Variants in KLHL12 observed in about 807,000 individuals in gnomAD.
KLHL12 encodes kelch-like protein 12.
Under a neutral mutation model 60.8 loss-of-function variants are expected in KLHL12, and 17 were observed. That is an observed-to-expected ratio of 0.28 (90% CI 0.19 to 0.42). The LOEUF (loss-of-function observed/expected upper bound fraction) is 0.42, where lower values mean the gene tolerates loss of function less well. KLHL12 is among the 10% of genes least tolerant of loss of function. The pLI, the probability that KLHL12 is intolerant of heterozygous loss-of-function variation, is 1.00. For synonymous variants in KLHL12, 220 were observed against 250.9 expected, an observed-to-expected ratio of 0.88 and a Z score of 1.16; for missense variants, 468 against 722.3, an observed-to-expected ratio of 0.65 and a Z score of 4.04.
chr1:202,926,182 G>A (rs1304069067), intron 1 of KLHL12, among the ~76,000 whole-genome samples: 1 of 151,474 alleles, frequency 6.6e-6, no homozygotes, highest in Non-Finnish European at 1.5e-5. Context: ...GCAAGTTATC[G>A]ATGGACTTAC....
At chr1:202,928,470 G>GT (rs1394113017), upstream of KLHL12, 1 of 1,295,682 alleles carries the variant, frequency 7.7e-7, no homozygotes, top group East Asian at 5.6e-5. Context: ...ATTGCAGCAA[G>GT]TATGTTTTAC....
At chr1:202,906,383 A>G (rs1660189874) in intron 6 of KLHL12, among the ~76,000 whole-genome samples, 1 of 143,920 alleles carries the variant, frequency 6.9e-6, no homozygotes, top group African/African-American at 2.6e-5. Flanking sequence ...TGAACCCAGG[A>G]GACAGAGGTT....
intron 6 of KLHL12, among the ~76,000 whole-genome samples, chr1:202,903,013 T>C (rs372203321): frequency 2.0e-5 from 3 of 148,916 alleles, no homozygotes; most frequent in East Asian, 4.0e-4. Flanking sequence ...ACAAATGAAA[T>C]AGATCACCAT....
chr1:202,897,637 G>C (rs1283914941), intron 6 of KLHL12, among the ~76,000 whole-genome samples: 1 of 152,086 alleles, frequency 6.6e-6, no homozygotes, highest in Non-Finnish European at 1.5e-5. Context: ...ACTCAAATTG[G>C]GAGGTTTTTT....
chr1:202,919,991 T>C, intron 2 of KLHL12, 83 bp from the exon 3 acceptor site: 3 of 1,199,102 alleles, frequency 2.5e-6, no homozygotes, highest in East Asian at 4.9e-5. Flanking sequence ...AGCTTAGAGA[T>C]GTTAATAATA....
Position 202,925,140 on chromosome 1 carries a change from T to C in KLHL12, c.23A>G (p.Lys8Arg). 5.0e-6 allele frequency: 8 copies of C among 1,614,048 alleles called. No homozygotes were observed. Among genetic ancestry groups the C allele is most frequent in the Non-Finnish European group, 5.9e-6 (7 of 1,179,914 alleles). Residue 8 changes from lysine (K) to arginine (R), a missense_variant, in exon 2 of 12, where the codon AAA (lysine) becomes AGA (arginine). Around this residue, in one of 4 missense-constraint regions of KLHL12, gnomAD observed 61 missense variants for 59.9 expected, o/e 1.02. Transcript: ENST00000367261. MGGIMAP[K>R]DIMTNTHAKS... The stretch of plus-strand genomic sequence containing the variant: ...AGCATGAGTATTTGTCATTATGTCT[T>C]TGGGGGCCATAATGCCTCCCATAAA...
At chr1:202,896,587 TTATAC>T (rs1659841808) in intron 7 of KLHL12, among the ~76,000 whole-genome samples, 1 of 152,190 alleles carries the variant, frequency 6.6e-6, no homozygotes, top group East Asian at 1.9e-4. Context: ...GTGCTAGGAA[TTATAC>T]AGACAGCTTA....
chr1:202,901,287 A>C (rs1659999796), intron 6 of KLHL12, among the ~76,000 whole-genome samples: 1 of 152,066 alleles, frequency 6.6e-6, no homozygotes. Flanking sequence ...TGTTTAAAAG[A>C]CAAGGCCTTC....
chr1:202,914,806 G>C (rs1471678664), intron 4 of KLHL12: 1 of 151,400 alleles, frequency 6.6e-6, no homozygotes, highest in African/African-American at 2.4e-5. Flanking sequence ...CAGAGATTGC[G>C]GTGAGCCGAG....
At chr1:202,898,583 C>T (rs1335788168) in intron 6 of KLHL12, among the ~76,000 whole-genome samples, 1 of 152,158 alleles carries the variant, frequency 6.6e-6, no homozygotes. Context: ...TAACAAGCCT[C>T]TAATCCAACC....
intron 2 of KLHL12, among the ~76,000 whole-genome samples, chr1:202,923,010 T>C (rs72752786): frequency 0.18 from 26,959 of 152,104 alleles, 3,076 homozygotes; most frequent in East Asian, 0.43. Flanking sequence ...ATCAACCCAG[T>C]GAAGTTAGAT....
At chr1:202,894,417 C>G (rs143022231) in intron 9 of KLHL12, 135 bp from the exon 10 acceptor site, 1 of 878,154 alleles carries the variant, frequency 1.1e-6, no homozygotes, top group African/African-American at 1.7e-5. Flanking sequence ...TAAGAGAAAT[C>G]TGACATTATG....
In KLHL12 at chr1:202,892,966, C is replaced by G. The variant is rs1360927190; in HGVS notation, c.1580+273G>C. On this transcript the variant is annotated intron_variant, in intron 11 of 11. Coordinates refer to ENST00000367261, the MANE Select transcript of KLHL12 (RefSeq NM_021633.4). Reference sequence around the variant, plus strand: ...CTGAGGTGGAAGGATTGCTTGAGCCCAGGAGTTGGAGACCAGCCTAGGCAA... The same window carrying G: ...CTGAGGTGGAAGGATTGCTTGAGCCGAGGAGTTGGAGACCAGCCTAGGCAA... Among the ~76,000 whole-genome samples the G allele has an allele frequency of 2.0e-5, 3 of 152,048 alleles. No homozygotes were observed. The East Asian group carries it at 5.8e-4, about 29-fold the overall frequency.
chr1:202,903,126 C>T (rs575712218), intron 6 of KLHL12, among the ~76,000 whole-genome samples: 54 of 131,212 alleles, frequency 4.1e-4, no homozygotes, highest in African/African-American at 1.5e-3. Flanking sequence ...TGCCACTGCA[C>T]TCTAGCCTAG....
intron 1 of KLHL12, among the ~76,000 whole-genome samples, chr1:202,926,499 CAT>C (rs999556040): frequency 2.6e-5 from 4 of 152,284 alleles, no homozygotes; most frequent in East Asian, 1.9e-4. Context: ...TTCATCAAAG[CAT>C]ATGTTTTTCA....
rs1449455209 is a variant in KLHL12 at position 202,893,909 on chromosome 1, C to G, written c.1393+275G>C. Among the ~76,000 whole-genome samples, 1 of 152,136 alleles carries G rather than the reference C, an allele frequency of 6.6e-6. No individual in the cohort carries two copies. The highest frequency in any genetic ancestry group is 1.5e-5 in the Non-Finnish European group (1 of 68,028). On this transcript the variant is annotated intron_variant, in intron 10 of 11. Transcript: ENST00000367261. The surrounding 1 kb of genome is among the most constrained non-coding windows in gnomAD (Gnocchi z 4.1). ...CTTATGCATTAGAGACTTTATTTAA[C>G]AGATATTTATTAAGCATGTACTACA...
chr1:202,900,284 C>A (rs1481430479), intron 6 of KLHL12, among the ~76,000 whole-genome samples: 1 of 146,498 alleles, frequency 6.8e-6, no homozygotes, highest in Non-Finnish European at 1.5e-5. Context: ...TGGCTCATGA[C>A]TATAATCCTA....
At chr1:202,908,859 T>C in intron 6 of KLHL12, 151 bp downstream of exon 6, 1 of 549,056 alleles carries the variant, frequency 1.8e-6, no homozygotes, top group Non-Finnish European at 3.3e-6. Context: ...AAAGAAAGCT[T>C]AGAGTGGTAA....
At chr1:202,928,533 A>G (rs1188951085), upstream of KLHL12, 2 of 1,304,288 alleles carry the variant, frequency 1.5e-6, no homozygotes, top group African/African-American at 3.0e-5. Context: ...AGAGGCCTCA[A>G]ATTTATTCAC....
Sources: gnomAD v4.1 joint callset for allele counts (sites outside exome capture counted in the v4.1 genomes callset) on GRCh38, gnomAD v4.1.1 for gene constraint, gnomAD v4.1.1 regional missense constraint, Gnocchi (gnomAD v3.1) non-coding constraint, MANE v1.5 for transcripts, NCBI Gene and HGNC (gene_info 2026-07-23, HGNC 2026-07-21) for gene names.